The following CAMKMT variants were observed in gnomAD, a reference collection of about 807,000 sequenced individuals.
CAMKMT encodes CaM KMT.
In CAMKMT, 53 loss-of-function variants were observed where a neutral mutation model predicts 48.0. The observed-to-expected ratio is 1.10, with a 90% CI of 0.89 to 1.39. The LOEUF (loss-of-function observed/expected upper bound fraction) is 1.39, where lower values mean the gene tolerates loss of function less well. Ranked by LOEUF, CAMKMT falls within the 40% of genes most tolerant of loss-of-function variation. The pLI is 0.00. For synonymous variants in CAMKMT, 165 were observed against 152.3 expected (o/e 1.08, Z -0.61); for missense variants, 428 against 402.7 (o/e 1.06, Z -0.54).
At chr2:44,734,834 G>C (rs1417033989) in intron 7 of CAMKMT, among the ~76,000 whole-genome samples, 1 of 152,178 alleles carries the variant, frequency 6.6e-6, no homozygotes, top group Admixed American at 6.5e-5. Context: ...TGCTATTGTT[G>C]AGTGTATTCT....
chr2:44,701,640 A>G (rs896416968), intron 3 of CAMKMT, among the ~76,000 whole-genome samples: 1 of 152,216 alleles, frequency 6.6e-6, no homozygotes, highest in Non-Finnish European at 1.5e-5. Context: ...GGCAAAAACC[A>G]CAATTACTTT....
intron 3 of CAMKMT, among the ~76,000 whole-genome samples, chr2:44,663,881 T>G (rs572332033): frequency 7.9e-5 from 12 of 152,108 alleles, no homozygotes; most frequent in Non-Finnish European, 1.3e-4. Flanking sequence ...AACACTTACA[T>G]TCTTGTGGGG....
At chr2:44,366,925 A>C (rs1345653045) in intron 1 of CAMKMT, among the ~76,000 whole-genome samples, 1 of 151,986 alleles carries the variant, frequency 6.6e-6, no homozygotes, top group Non-Finnish European at 1.5e-5. Flanking sequence ...GGGTTTTGCC[A>C]TGTTGCCCAG....
At chr2:44,439,762 C>T (rs982687059) in intron 3 of CAMKMT, among the ~76,000 whole-genome samples, 3 of 150,778 alleles carry the variant, frequency 2.0e-5, no homozygotes, top group Admixed American at 6.6e-5. Flanking sequence ...GGCATGAACC[C>T]GGGAGAGCAA....
intron 3 of CAMKMT, among the ~76,000 whole-genome samples, chr2:44,703,287 G>T (rs1469453065): frequency 6.6e-6 from 1 of 152,132 alleles, no homozygotes; most frequent in Non-Finnish European, 1.5e-5. Context: ...AAGCATGTTT[G>T]TCTTCTCTTT....
chr2:44,730,531 C>T (rs908695696), intron 7 of CAMKMT, among the ~76,000 whole-genome samples: 1 of 152,196 alleles, frequency 6.6e-6, no homozygotes, highest in Non-Finnish European at 1.5e-5. Context: ...TATAGACAGA[C>T]GACTCCCAAA....
rs1671999098 is a variant in CAMKMT, at chr2:44,618,272, G to A, written c.377-86011G>A. On this transcript the variant is annotated intron_variant, in intron 3 of 10. Transcript: ENST00000378494. This position sits in a 1 kb window ranked among gnomAD's most constrained non-coding sequence, Gnocchi z 4.0. ...TTGACTTAACAGAAGTCAGAAGACA[G>A]CTGAAGCATAAGAGCTTGCACTGCC... is the stretch of plus-strand genomic sequence containing the variant. 6.6e-6 allele frequency among the ~76,000 whole-genome samples: 1 copy of A among 152,210 alleles called. No homozygotes were observed. The highest frequency in any genetic ancestry group is 2.4e-5 in the African/African-American group (1 of 41,442).
At chr2:44,753,524 GTTCT>G (rs150685546) in intron 8 of CAMKMT, among the ~76,000 whole-genome samples, 2,572 of 152,242 alleles carry the variant, frequency 0.017, 33 homozygotes, top group South Asian at 0.03. Flanking sequence ...GTCTGAGATT[GTTCT>G]TTGTTTTTGT....
intron 3 of CAMKMT, among the ~76,000 whole-genome samples, chr2:44,503,115 C>T (rs1670086455): frequency 1.3e-5 from 2 of 151,998 alleles, no homozygotes; most frequent in African/African-American, 2.4e-5. Context: ...TCAAAAAAAG[C>T]TTATTTCATT....
At chr2:44,675,055 A>G (rs189677432) in intron 3 of CAMKMT, among the ~76,000 whole-genome samples, 50 of 150,998 alleles carry the variant, frequency 3.3e-4, no homozygotes, top group African/African-American at 1.2e-3. Context: ...GTTTGCAAAC[A>G]TGCTCGGGAT....
chr2:44,522,320 T>C (rs1671160856), intron 3 of CAMKMT, among the ~76,000 whole-genome samples: 2 of 152,168 alleles, frequency 1.3e-5, no homozygotes, highest in African/African-American at 4.8e-5. Context: ...TTTCATTTCA[T>C]ATTCTATCTG....
Position 44,618,805 on chromosome 2 carries a change from A to G in CAMKMT, c.377-85478A>G, listed in dbSNP as rs1672026584. 6.6e-6 allele frequency among the ~76,000 whole-genome samples: 1 copy of G among 152,058 alleles called. No homozygotes were observed. The highest frequency in any genetic ancestry group is 1.5e-5 in the Non-Finnish European group (1 of 67,986). On this transcript the variant is annotated intron_variant, in intron 3 of 10. Coordinates refer to ENST00000378494, the MANE Select transcript of CAMKMT (RefSeq NM_024766.5). The surrounding 1 kb of genome is among the most constrained non-coding windows in gnomAD (Gnocchi z 4.0). Reference sequence around the variant, plus strand: ...TGCTTCTACCTACTTTTTATTTTTTATTTTTTGCTTCTCTAAGCAGTTATT... The same window carrying G: ...TGCTTCTACCTACTTTTTATTTTTTGTTTTTTGCTTCTCTAAGCAGTTATT...
At chr2:44,433,660 G>C (rs1684781214) in intron 3 of CAMKMT, among the ~76,000 whole-genome samples, 1 of 152,068 alleles carries the variant, frequency 6.6e-6, no homozygotes, top group African/African-American at 2.4e-5. Context: ...ATTATACTGA[G>C]CATGATAATG....
intron 3 of CAMKMT, among the ~76,000 whole-genome samples, chr2:44,494,468 G>A (rs1669661596): frequency 1.3e-5 from 2 of 152,086 alleles, no homozygotes; most frequent in South Asian, 4.1e-4. Context: ...TCTAGAATTT[G>A]ATCCAAATTT....
intron 3 of CAMKMT, among the ~76,000 whole-genome samples, chr2:44,392,825 C>G (rs1222403008): frequency 2.6e-5 from 4 of 151,720 alleles, no homozygotes; most frequent in Non-Finnish European, 5.9e-5. Context: ...AAGTTCCATA[C>G]AAGAGTATCA....
chr2:44,415,233 T>C (rs1180057657), intron 3 of CAMKMT, among the ~76,000 whole-genome samples: 1 of 152,244 alleles, frequency 6.6e-6, no homozygotes, highest in Non-Finnish European at 1.5e-5. Flanking sequence ...GCCTGGTATG[T>C]ACAACTGAGT....
At chr2:44,371,393 A>G (rs1679167164) in intron 1 of CAMKMT, among the ~76,000 whole-genome samples, 1 of 152,234 alleles carries the variant, frequency 6.6e-6, no homozygotes, top group Non-Finnish European at 1.5e-5. Flanking sequence ...TGTTAGGATT[A>G]CAGACATGAG....
At chr2:44,503,751 ACAAAATAC>A (rs2104748160) in intron 3 of CAMKMT, among the ~76,000 whole-genome samples, 1 of 152,306 alleles carries the variant, frequency 6.6e-6, no homozygotes, top group South Asian at 2.1e-4. Context: ...GACTGCTGTG[ACAAAATAC>A]CTTAGACTGG....
Position 44,657,162 on chromosome 2 carries a change from G to T in CAMKMT, c.377-47121G>T, listed in dbSNP as rs1169787163. Among the ~76,000 whole-genome samples, 2 of 152,180 alleles carry T rather than the reference G, an allele frequency of 1.3e-5. No homozygotes were observed. Among genetic ancestry groups the T allele is most frequent in the African/African-American group, 2.4e-5 (1 of 41,456 alleles). ...GCCCCACCTGAAATCCAGTTTGTAT[G>T]AGAGCCATATGAAGGCCATCCCGTG... On this transcript the variant is annotated intron_variant, in intron 3 of 10. Coordinates refer to ENST00000378494, the MANE Select transcript of CAMKMT (RefSeq NM_024766.5). This position sits in a 1 kb window ranked among gnomAD's most constrained non-coding sequence, Gnocchi z 4.3.
Sources: gnomAD v4.1 joint callset for allele counts (sites outside exome capture counted in the v4.1 genomes callset) on GRCh38, gnomAD v4.1.1 for gene constraint, Gnocchi (gnomAD v3.1) non-coding constraint, MANE v1.5 for transcripts, NCBI Gene and HGNC (gene_info 2026-07-23, HGNC 2026-07-21) for gene names.